The following CSMD1 variants were observed in gnomAD, a reference collection of about 807,000 sequenced individuals.
CSMD1 encodes the protein CUB and sushi domain-containing protein 1.
A neutral mutation model predicts 417.5 loss-of-function variants in CSMD1; 213 were observed. The observed-to-expected ratio is 0.51, with a 90% CI of 0.46 to 0.57. The LOEUF (loss-of-function observed/expected upper bound fraction) is 0.57. CSMD1 is among the 20% of genes least tolerant of loss of function. The pLI is 0.00. For missense variants in CSMD1, 6,923 were observed against 4,529.7 expected, an observed-to-expected ratio of 1.53 and a Z score of -15.17; for synonymous variants, 2,862 against 1,736.8, an observed-to-expected ratio of 1.65 and a Z score of -16.11.
At chr8:4,380,050 C>T (rs1413040229) in intron 3 of CSMD1, among the ~76,000 whole-genome samples, 2 of 152,168 alleles carry the variant, frequency 1.3e-5, no homozygotes, top group Non-Finnish European at 2.9e-5. Flanking sequence ...ATTAAATATC[C>T]ATCAATCCAT....
chr8:4,828,126 C>G (rs1420271938), intron 1 of CSMD1, among the ~76,000 whole-genome samples: 1 of 152,110 alleles, frequency 6.6e-6, no homozygotes, highest in Non-Finnish European at 1.5e-5. Context: ...TTTTCCATCA[C>G]TACAACTTAT....
chr8:3,921,878 C>G (rs1414002105), intron 5 of CSMD1, among the ~76,000 whole-genome samples: 4 of 152,100 alleles, frequency 2.6e-5, no homozygotes, highest in African/African-American at 9.7e-5. Context: ...CTGGAAGGTT[C>G]TGCATGTGTC....
chr8:4,535,587 C>T lies in CSMD1; in HGVS notation c.302+101755G>A, dbSNP rs1037364863. Among the ~76,000 whole-genome samples, 4 of 152,088 alleles carry T rather than the reference C, an allele frequency of 2.6e-5. No individual in the cohort carries two copies. In the East Asian group the frequency reaches 7.7e-4, roughly 29 times the overall value. On this transcript the variant is annotated intron_variant, in intron 2 of 69. Transcript: ENST00000635120. ...ACTCGTAGGTTAACCCTAAGTCATC[C>T]AAGATAGCATCTCTGTTCTGTGAAA...
chr8:4,949,866 A>G (rs949965894), intron 1 of CSMD1, among the ~76,000 whole-genome samples: 40 of 152,328 alleles, frequency 2.6e-4, no homozygotes, highest in African/African-American at 9.4e-4. Flanking sequence ...AGGTTAGTTC[A>G]AAAGTAATTG....
intron 68 of CSMD1, among the ~76,000 whole-genome samples, chr8:2,943,796 G>A (rs1025780537): frequency 6.6e-6 from 1 of 152,206 alleles, no homozygotes; most frequent in Non-Finnish European, 1.5e-5. Flanking sequence ...AATGAATCAT[G>A]ATTGGCGTCA....
intron 8 of CSMD1, among the ~76,000 whole-genome samples, chr8:3,609,648 T>C (rs560116598): frequency 2.0e-5 from 3 of 151,972 alleles, no homozygotes; most frequent in Non-Finnish European, 4.4e-5. Flanking sequence ...TTACAAGGGC[T>C]ACACTGCAAA....
chr8:4,129,885 GAATAT>G lies in CSMD1; in HGVS notation c.416-97791_416-97787del, dbSNP rs531439640. ...TCATAGCATTCTGTTCTTGTTTTGT[GAATAT>G]AATATATCCTTTTACTTCTCAGGTA... On this transcript the variant is annotated intron_variant, in intron 3 of 69. Coordinates refer to ENST00000635120, the MANE Select transcript of CSMD1 (RefSeq NM_033225.6). Among the ~76,000 whole-genome samples, 13 of 152,136 alleles carry G rather than the reference GAATAT, an allele frequency of 8.5e-5. No homozygotes were observed. The East Asian group carries it at 1.9e-3, about 23-fold the overall frequency.
At chr8:4,562,723 C>A (rs1348815378) in intron 2 of CSMD1, among the ~76,000 whole-genome samples, 2 of 152,104 alleles carry the variant, frequency 1.3e-5, no homozygotes, top group African/African-American at 4.8e-5. Flanking sequence ...AAATCCTACA[C>A]TGACCTTCAG....
chr8:4,908,618 C>A (rs980960778), intron 1 of CSMD1, among the ~76,000 whole-genome samples: 1 of 151,532 alleles, frequency 6.6e-6, no homozygotes, highest in African/African-American at 2.4e-5. Context: ...AGCTCCGAGT[C>A]TTTTCTAGGC....
intron 1 of CSMD1, among the ~76,000 whole-genome samples, chr8:4,969,818 C>A (rs1810121497): frequency 6.6e-6 from 1 of 152,000 alleles, no homozygotes; most frequent in Non-Finnish European, 1.5e-5. Flanking sequence ...AATTGTTTTT[C>A]TCAGGCAGTA....
In CSMD1 at chr8:4,789,511, C is replaced by G. The variant is rs113368321; in HGVS notation, c.86-151953G>C. Among the ~76,000 whole-genome samples, 501 of 152,274 alleles carry G rather than the reference C, an allele frequency of 3.3e-3. 9 individuals are homozygous for G. The highest frequency in any genetic ancestry group is 0.012 in the African/African-American group (484 of 41,546). ...TTGGATAAATGCTAAAGCCACCTCA[C>G]CTATATAATTTTACTGTGCATCTAC... On this transcript the variant is annotated intron_variant, in intron 1 of 69. Transcript: ENST00000635120.
In CSMD1 at chr8:3,809,806, G is replaced by T. The variant is rs548819606; in HGVS notation, c.819-55764C>A. 1.5e-4 allele frequency among the ~76,000 whole-genome samples: 23 copies of T among 152,158 alleles called. No individual in the cohort carries two copies. In the South Asian group the frequency reaches 4.8e-3, roughly 32 times the overall value. On this transcript the variant is annotated intron_variant, in intron 5 of 69. Coordinates refer to ENST00000635120, the MANE Select transcript of CSMD1 (RefSeq NM_033225.6). ...GGGTTCTATGTCATTAGGAGAAAAT[G>T]CACTGTTCACATACTGAAAACGCAA...
chr8:3,607,886 G>T (rs1801697565), intron 8 of CSMD1, among the ~76,000 whole-genome samples: 1 of 152,006 alleles, frequency 6.6e-6, no homozygotes, highest in Non-Finnish European at 1.5e-5. Context: ...AGTAAAGGAA[G>T]TAGCCAGGCA....
intron 5 of CSMD1, among the ~76,000 whole-genome samples, chr8:3,938,887 C>T (rs1299192794): frequency 1.3e-5 from 2 of 152,110 alleles, no homozygotes; most frequent in South Asian, 4.1e-4. Flanking sequence ...AGTGTGACAA[C>T]TGTATATCTA....
chr8:3,893,363 T>TATATATATATATATATATATA (rs1563185043), intron 5 of CSMD1, among the ~76,000 whole-genome samples: 3 of 28,814 alleles, frequency 1.0e-4, no homozygotes, highest in Non-Finnish European at 1.0e-4. Flanking sequence ...ATATATATAT[T>TATATATATATATATATATATA]ATTTTTTTTC....
intron 5 of CSMD1, among the ~76,000 whole-genome samples, chr8:3,851,829 G>A (rs1030698250): frequency 1.3e-5 from 2 of 152,148 alleles, no homozygotes; most frequent in African/African-American, 4.8e-5. Context: ...AGAGACTGAG[G>A]GCGCCAGGAG....
At chr8:3,474,733 G>A (rs1280685731) in intron 11 of CSMD1, among the ~76,000 whole-genome samples, 1 of 151,880 alleles carries the variant, frequency 6.6e-6, no homozygotes, top group Non-Finnish European at 1.5e-5. Flanking sequence ...ATGTTAAGTG[G>A]GAACTTACTA....
In CSMD1 at chr8:4,716,225, G is replaced by A. The variant is rs959150116; in HGVS notation, c.86-78667C>T. On this transcript the variant is annotated intron_variant, in intron 1 of 69. Coordinates refer to ENST00000635120, the MANE Select transcript of CSMD1 (RefSeq NM_033225.6). ...GGACTGCTCATCTAGAGAACAGAAG[G>A]CTGTCTGCCAAGAATCCTTACACTT... 4.6e-5 allele frequency among the ~76,000 whole-genome samples: 7 copies of A among 152,134 alleles called. No homozygotes were observed. In the East Asian group the frequency reaches 1.4e-3, roughly 29 times the overall value.
At chr8:3,555,624 A>G (rs1799110341) in intron 10 of CSMD1, among the ~76,000 whole-genome samples, 1 of 152,250 alleles carries the variant, frequency 6.6e-6, no homozygotes, top group African/African-American at 2.4e-5. Flanking sequence ...TATTTTACAT[A>G]TAAATTTAAA....
Sources: allele counts gnomAD v4.1 joint callset (sites outside exome capture counted in the v4.1 genomes callset), GRCh38; gene constraint gnomAD v4.1.1; transcripts MANE v1.5; gene names NCBI Gene and HGNC (gene_info 2026-07-23, HGNC 2026-07-21).